The following DMRT2 variants were observed in gnomAD, a reference collection of about 807,000 sequenced individuals.
The protein encoded by DMRT2 is doublesex and mab-3 related transcription factor 2.
In DMRT2, 33 loss-of-function variants were observed where a neutral mutation model predicts 43.5. The ratio of observed to expected loss-of-function variants is 0.76; its 90% CI spans 0.58 to 1.01. The LOEUF is 1.01. Ranked by LOEUF, DMRT2 falls within the 50% of genes least tolerant of loss-of-function variation. The probability of loss-of-function intolerance (pLI) is 0.00; values close to 1 mark genes in which losing one functional copy is unlikely to be tolerated. For missense variants in DMRT2, 1,064 were observed against 748.0 expected, an observed-to-expected ratio of 1.42 and a Z score of -4.93; for synonymous variants, 395 against 309.2, an observed-to-expected ratio of 1.28 and a Z score of -2.91.
At position 1,057,241 on chromosome 9, in the gene DMRT2, C is replaced by A. The variant is rs756460105; in HGVS notation, c.1654C>A (p.Pro552Thr). 8 of 1,611,936 alleles carry A rather than the reference C, an allele frequency of 5.0e-6. No individual in the cohort carries two copies. The highest frequency in any genetic ancestry group is 2.2e-5 in the East Asian group (1 of 44,856). The change falls in exon 4 of 4, where the codon CCT becomes ACT. Residue 552 changes from proline (P) to threonine (T), a missense_variant. Transcript: ENST00000358146. ...TTCTGTTGAGTCTATTCTTAAGAGG[C>A]CTTCATCTGCCATCACTCGTGTCTC... ...SFSVESILKR[P>T]SSAITRVSQ
At position 1,051,816 on chromosome 9, in the gene DMRT2, C is replaced by G; in HGVS notation, c.203C>G (p.Ala68Gly). 1 of 1,468,486 alleles carries G rather than the reference C, an allele frequency of 6.8e-7. No homozygotes were observed. The highest frequency in any genetic ancestry group is 1.5e-5 in the African/African-American group (1 of 67,622). The allele number at this position is 1,468,486 out of a possible 1,614,324, so 91.0% of individuals were successfully genotyped here. A position where few individuals can be genotyped will look rare whatever the true frequency, so the allele number is the denominator to read the frequency against. ...DAEEEGDGEEAGASPGMPGQP... is the reference protein window; with the variant it reads ...DAEEEGDGEEGGASPGMPGQP... ...GAAGAAGAGGGCGACGGCGAGGAGG[C>G]AGGCGCGTCCCCCGGGATGCCCGGC... Residue 68 changes from alanine to glycine, a missense_variant, in exon 2 of 4, where the codon GCA (alanine) becomes GGA (glycine). Ala to Gly is a moderately conservative substitution (Grantham distance 60, BLOSUM62 0). Transcript: ENST00000358146. This position sits in a 1 kb window ranked among gnomAD's most constrained non-coding sequence, Gnocchi z 5.9.
intron 3 of DMRT2, among the ~76,000 whole-genome samples, chr9:1,055,135 T>C (rs955099952): frequency 2.6e-5 from 4 of 152,238 alleles, no homozygotes; most frequent in African/African-American, 7.2e-5. Flanking sequence ...CTAAATGGAA[T>C]AGTAAATTCA....
At position 1,057,336 on chromosome 9, in the gene DMRT2, T is replaced by G; in HGVS notation, c.*63T>G. On this transcript the variant is annotated 3_prime_UTR_variant, in exon 4 of 4. Coordinates refer to ENST00000358146, the MANE Select transcript of DMRT2 (RefSeq NM_181872.6). ...TTAGAGCATTATAGCCATTTGCTAC[T>G]TTTTTTAAAAGTTAAGATGTTTGTG... The G allele has an allele frequency of 2.0e-6, 3 of 1,481,964 alleles. No homozygotes were observed. Among genetic ancestry groups the G allele is most frequent in the East Asian group, 2.3e-5 (1 of 43,858 alleles). 91.8% of individuals were successfully genotyped at this position (1,481,964 alleles called of 1,614,324 possible). A position where few individuals can be genotyped will look rare whatever the true frequency, so the allele number is the denominator to read the frequency against.
chr9:1,052,166 C>G, intron 2 of DMRT2, 28 bp downstream of exon 2: 6 of 1,343,172 alleles, frequency 4.5e-6, no homozygotes, highest in Non-Finnish European at 5.7e-6. Context: ...CCGGGCGTCT[C>G]AGGCCACAGT....
chr9:1,055,971 C>T, intron 3 of DMRT2: 1 of 1,401,070 alleles, frequency 7.1e-7, no homozygotes, highest in South Asian at 1.8e-5. Flanking sequence ...AAATCCATAA[C>T]AACCACAACA....
Position 1,051,562 on chromosome 9 carries a change from T to C in DMRT2, c.-44-8T>C. On this transcript the variant is annotated splice_region_variant and splice_polypyrimidine_tract_variant and intron_variant, in intron 1 of 3. Coordinates refer to ENST00000358146, the MANE Select transcript of DMRT2 (RefSeq NM_181872.6). The surrounding 1 kb of genome is among the most constrained non-coding windows in gnomAD (Gnocchi z 5.9). The stretch of plus-strand genomic sequence containing the variant: ...GGTGGGTCTTTGGATTTCTTTGTGT[T>C]TCCCCAGAGTGAGGGCCGCCAGGCT... 1 of 1,457,656 alleles carries C rather than the reference T, an allele frequency of 6.9e-7. No individual in the cohort carries two copies. The highest frequency in any genetic ancestry group is 9.0e-7 in the Non-Finnish European group (1 of 1,115,554). The allele number at this position is 1,457,656 out of a possible 1,614,324, so 90.3% of individuals were successfully genotyped here.
Position 1,051,971 on chromosome 9 carries a change from A to C in DMRT2, c.358A>C (p.Thr120Pro), listed in dbSNP as rs1821626312. ...CGCGGAGCCGCGCAAGCTGAGCCGC[A>C]CGCCCAAGTGCGCGCGCTGCCGCAA... Reference protein sequence around the residue: ...GGAEPRKLSRTPKCARCRNHG... With the variant: ...GGAEPRKLSRPPKCARCRNHG... Residue 120 changes from threonine to proline, a missense_variant, in exon 2 of 4, where the codon ACG becomes CCG. Physicochemically the swap from Thr to Pro is conservative, Grantham distance 38. Coordinates refer to ENST00000358146, the MANE Select transcript of DMRT2 (RefSeq NM_181872.6). The surrounding 1 kb of genome is among the most constrained non-coding windows in gnomAD (Gnocchi z 5.9). The C allele has an allele frequency of 1.4e-6, 2 of 1,426,474 alleles. No individual in the cohort carries two copies. Among genetic ancestry groups the C allele is most frequent in the South Asian group, 2.9e-5 (2 of 69,494 alleles). The allele number at this position is 1,426,474 out of a possible 1,614,324, so 88.4% of individuals were successfully genotyped here. A position where few individuals can be genotyped will look rare whatever the true frequency, so the allele number is the denominator to read the frequency against.
rs545524022 is a variant in DMRT2, at chr9:1,051,205, T to C, written c.-44-365T>C. On this transcript the variant is annotated intron_variant, in intron 1 of 3. Coordinates refer to ENST00000358146, the MANE Select transcript of DMRT2 (RefSeq NM_181872.6). The surrounding 1 kb of genome is among the most constrained non-coding windows in gnomAD (Gnocchi z 5.9). ...GCATCATGGCCATACTAGTTGAGTA[T>C]GGGGAAATCCGACAAGTGGCCTGGG... 6.6e-6 allele frequency among the ~76,000 whole-genome samples: 1 copy of C among 152,164 alleles called. No homozygotes were observed. Among genetic ancestry groups the C allele is most frequent in the South Asian group, 2.1e-4 (1 of 4,820 alleles).
intron 2 of DMRT2, 150 bp from the exon 3 acceptor site, chr9:1,053,572 C>T (rs984028943): frequency 3.8e-5 from 27 of 714,102 alleles, no homozygotes; most frequent in Non-Finnish European, 5.5e-5. Flanking sequence ...GATATTAATT[C>T]GTTTGTAATT....
Position 1,051,829 on chromosome 9 carries a change from C to G in DMRT2, c.216C>G (p.Pro72=), listed in dbSNP as rs1197675956. ...EGDGEEAGAS[P]GMPGQPEQRG... ...ACGGCGAGGAGGCAGGCGCGTCCCC[C>G]GGGATGCCCGGCCAGCCGGAGCAGC... The change falls in exon 2 of 4, where the codon CCC becomes CCG. Residue 72 remains proline, a synonymous_variant. Transcript: ENST00000358146. This position sits in a 1 kb window ranked among gnomAD's most constrained non-coding sequence, Gnocchi z 5.9. 1 of 1,445,016 alleles carries G rather than the reference C, an allele frequency of 6.9e-7. No individual in the cohort carries two copies. Among genetic ancestry groups the G allele is most frequent in the South Asian group, 1.4e-5 (1 of 69,422 alleles). 89.5% of individuals were successfully genotyped at this position (1,445,016 alleles called of 1,614,324 possible). A position where few individuals can be genotyped will look rare whatever the true frequency, so the allele number is the denominator to read the frequency against.
Position 1,057,420 on chromosome 9 carries a change from GC to G in DMRT2, c.*148del. ...GAAAAATTTTATATATTCCTAATATGCATGTACTTTTTCTTATCACATATAT... is the reference window on the plus strand; with the variant it reads ...GAAAAATTTTATATATTCCTAATATGATGTACTTTTTCTTATCACATATAT... On this transcript the variant is annotated 3_prime_UTR_variant, in exon 4 of 4. Transcript: ENST00000358146. 1.2e-6 allele frequency: 1 copy of G among 836,208 alleles called. No individual in the cohort carries two copies. Among genetic ancestry groups the G allele is most frequent in the African/African-American group, 1.7e-5 (1 of 58,214 alleles). The allele number at this position is 836,208 out of a possible 1,614,324, so 51.8% of individuals were successfully genotyped here. A position where few individuals can be genotyped will look rare whatever the true frequency, so the allele number is the denominator to read the frequency against.
chr9:1,055,309 G>GA, intron 3 of DMRT2, among the ~76,000 whole-genome samples: 1 of 152,318 alleles, frequency 6.6e-6, no homozygotes, highest in East Asian at 1.9e-4. Context: ...TGGGGGTGAT[G>GA]AAATACTCCA....
In DMRT2 at chr9:1,052,033, C is replaced by G; in HGVS notation, c.420C>G (p.Arg140=). ...TGTCCTGCCTGAAGGGCCACAAGCG[C>G]TTCTGTCGCTGGCGCGACTGCCAGT... ...GVVSCLKGHK[R]FCRWRDCQCA... The change falls in exon 2 of 4, where the codon CGC becomes CGG. Residue 140 remains arginine, a synonymous_variant. Transcript: ENST00000358146. 6.8e-7 allele frequency: 1 copy of G among 1,475,270 alleles called. No individual in the cohort carries two copies. The allele number at this position is 1,475,270 out of a possible 1,614,324, so 91.4% of individuals were successfully genotyped here.
At position 1,057,387 on chromosome 9, in the gene DMRT2, A is replaced by G. The variant is rs902608185; in HGVS notation, c.*114A>G. Reference sequence around the variant, plus strand: ...TAAAGAAATTTCTAATGTAAAGATGATGATTTTGAAAAATTTTATATATTC... The same window carrying G: ...TAAAGAAATTTCTAATGTAAAGATGGTGATTTTGAAAAATTTTATATATTC... On this transcript the variant is annotated 3_prime_UTR_variant, in exon 4 of 4. Transcript: ENST00000358146. The G allele has an allele frequency of 2.4e-6, 3 of 1,243,320 alleles. No homozygotes were observed. Among genetic ancestry groups the G allele is most frequent in the Admixed American group, 5.4e-5 (2 of 36,700 alleles). 77.0% of individuals were successfully genotyped at this position (1,243,320 alleles called of 1,614,324 possible).
In DMRT2 at chr9:1,054,410, T is replaced by A. The variant is rs1184951060; in HGVS notation, c.628+586T>A. ...AGATTCCGCTCTTTTTCATTGTACT[T>A]TTTTTTTTTTTTTTGGATTACTTGG... On this transcript the variant is annotated intron_variant, in intron 3 of 3. Coordinates refer to ENST00000358146, the MANE Select transcript of DMRT2 (RefSeq NM_181872.6). 4.0e-5 allele frequency among the ~76,000 whole-genome samples: 4 copies of A among 99,010 alleles called. No individual in the cohort carries two copies. The East Asian group carries it at 9.0e-4, about 22-fold the overall frequency. The allele number at this position is 99,010 out of a possible 152,430, so 65.0% of individuals were successfully genotyped here. A position where few individuals can be genotyped will look rare whatever the true frequency, so the allele number is the denominator to read the frequency against.
chr9:1,055,570 G>C lies in DMRT2; in HGVS notation c.629-646G>C, dbSNP rs1427694836. The C allele has an allele frequency of 6.5e-6, 4 of 617,474 alleles. No homozygotes were observed. The African/African-American group carries it at 7.7e-5, about 12-fold the overall frequency. 38.2% of individuals were successfully genotyped at this position (617,474 alleles called of 1,614,324 possible). ...ATTTTTTTTTGTAGTGGTATCAGGG[G>C]AAGGGGCCTGGTTAAATTGTTCACT... On this transcript the variant is annotated intron_variant, in intron 3 of 3. Transcript: ENST00000358146.
Position 1,056,544 on chromosome 9 carries a change from G to T in DMRT2, c.957G>T (p.Met319Ile). ...TGCAGTATTCAGGGTCTGGGAATAT[G>T]GAACTAATTTCTTCTAATGTCAGCG... Reference protein sequence around the residue: ...LTMQYSGSGNMELISSNVSVA... With the variant: ...LTMQYSGSGNIELISSNVSVA... Residue 319 changes from methionine to isoleucine, a missense_variant, in exon 4 of 4, where the codon ATG (methionine) becomes ATT (isoleucine). By Grantham distance (10) the Met-to-Ile change is conservative (BLOSUM62 1). Transcript: ENST00000358146. The T allele has an allele frequency of 6.2e-7, 1 of 1,614,146 alleles. No individual in the cohort carries two copies. The highest frequency in any genetic ancestry group is 8.5e-7 in the Non-Finnish European group (1 of 1,180,026).
In DMRT2 at chr9:1,057,157, G is replaced by A. The variant is rs781594613; in HGVS notation, c.1570G>A (p.Asp524Asn). The A allele has an allele frequency of 1.9e-6, 3 of 1,613,858 alleles. No individual in the cohort carries two copies. The highest frequency in any genetic ancestry group is 2.2e-5 in the East Asian group (1 of 44,866). ...ATTTACAATAGATAGATGTGCAAAA[G>A]ACCTTTTTGTAGCCAAACAAGTTGG... The part of the protein sequence containing the change: ...YTFTIDRCAK[D>N]LFVAKQVGTK... Residue 524 changes from aspartate (D) to asparagine (N), a missense_variant, in exon 4 of 4, where the codon GAC (aspartate) becomes AAC (asparagine). Transcript: ENST00000358146.
In DMRT2 at chr9:1,056,774, C is replaced by A; in HGVS notation, c.1187C>A (p.Ser396Ter). The A allele has an allele frequency of 1.2e-6, 2 of 1,614,082 alleles. No individual in the cohort carries two copies. Among genetic ancestry groups the A allele is most frequent in the Non-Finnish European group, 1.7e-6 (2 of 1,180,024 alleles). ...AGTGCAGAGCAGGACATGATGCCAT[C>A]GAAATTGGAAGGTTCCCTGGTGCTG... ...GLSAEQDMMP[S>*]KLEGSLVLPH... Residue 396 changes from serine to a stop codon, truncating the protein, a stop_gained, in exon 4 of 4, where the codon TCG (serine) becomes TAG (stop). Transcript: ENST00000358146. LOFTEE classifies it high-confidence loss of function.
Sources: allele counts gnomAD v4.1 joint callset (sites outside exome capture counted in the v4.1 genomes callset), GRCh38; gene constraint gnomAD v4.1.1; non-coding constraint Gnocchi (gnomAD v3.1); transcripts MANE v1.5; gene names NCBI Gene and HGNC (gene_info 2026-07-23, HGNC 2026-07-21).